Variants in PDK4 observed in about 807,000 individuals in gnomAD.
The protein encoded by PDK4 is pyruvate dehydrogenase kinase 4.
PDK4 carries 43 observed loss-of-function variants against 51.7 expected under a neutral mutation model. The observed-to-expected ratio is 0.83, with a 90% CI of 0.65 to 1.07. The LOEUF is 1.07. Ranked by LOEUF, PDK4 falls within the 50% of genes least tolerant of loss-of-function variation. PDK4 has a pLI of 0.00. For synonymous variants in PDK4, 170 were observed against 176.6 expected (o/e 0.96, Z 0.30); for missense variants, 498 against 503.5 (o/e 0.99, Z 0.10).
intron 3 of PDK4, among the ~76,000 whole-genome samples, chr7:95,593,430 C>T (rs191975204): frequency 5.3e-5 from 8 of 152,142 alleles, no homozygotes; most frequent in African/African-American, 1.7e-4. Context: ...TCCTCCTACA[C>T]ATCTCATTAT....
intron 1 of PDK4, 137 bp from the exon 2 acceptor site, chr7:95,595,301 G>A (rs1318245644): frequency 1.9e-6 from 1 of 540,478 alleles, no homozygotes; most frequent in South Asian, 3.2e-5. Flanking sequence ...ACTGTTAATC[G>A]ATAATTCAGG....
At position 95,592,909 on chromosome 7, in the gene PDK4, T is replaced by G. The variant is rs780081754; in HGVS notation, c.380A>C (p.His127Pro). Residue 127 changes from histidine (H) to proline (P), a missense_variant, in exon 4 of 11, where the codon CAC becomes CCC. His to Pro is a moderately conservative substitution (Grantham distance 77). Coordinates refer to ENST00000005178, the MANE Select transcript of PDK4 (RefSeq NM_002612.4). ...TGCCATTGTAGGGACTACATTATGG[T>G]GTCTATTTCGAACTTTGATGAGTGT... ...VDTLIKVRNR[H>P]HNVVPTMAQG... 1 of 1,602,810 alleles carries G rather than the reference T, an allele frequency of 6.2e-7. No individual in the cohort carries two copies. The highest frequency in any genetic ancestry group is 1.1e-5 in the South Asian group (1 of 89,176).
chr7:95,593,763 G>T lies in PDK4; in HGVS notation c.280C>A (p.Gln94Lys), dbSNP rs1354374215. 3 of 1,496,580 alleles carry T rather than the reference G, an allele frequency of 2.0e-6. No homozygotes were observed. The highest frequency in any genetic ancestry group is 4.6e-5 in the East Asian group (2 of 43,790). 92.7% of individuals were successfully genotyped at this position (1,496,580 alleles called of 1,614,324 possible). A position where few individuals can be genotyped will look rare whatever the true frequency, so the allele number is the denominator to read the frequency against. ...SVQLVKSWYI[Q>K]SLMDLVEFHE... ...AATTCCACCAAATCCATCAGGCTCT[G>T]TATATACCTGTAAAGAAACAGGTAT... The change falls in exon 3 of 11, where the codon CAG (glutamine) becomes AAG (lysine). Residue 94 changes from glutamine (Q) to lysine (K), a missense_variant. By Grantham distance (53) the Gln-to-Lys change is moderately conservative (BLOSUM62 1). Transcript: ENST00000005178.
At chr7:95,595,345 G>A (rs1453697123) in intron 1 of PDK4, among the ~76,000 whole-genome samples, 181 bp from the exon 2 acceptor site, 2 of 152,086 alleles carry the variant, frequency 1.3e-5, no homozygotes, top group East Asian at 1.9e-4. Context: ...AATTCCCTTC[G>A]TCCTTTCGTC....
Position 95,595,161 on chromosome 7 carries a change from G to C in PDK4, c.134C>G (p.Ser45Ter). ...AGAAGTTCTTTCACATGCATTTTCT[G>C]AACCTATAATAAATGAAATCAATTT... ...LSMKQLLDFGSENACERTSFA... is the reference protein window; with the variant it reads ...LSMKQLLDFG Residue 45 changes from serine (S) to a stop codon, truncating the protein, a stop_gained, in exon 2 of 11, where the codon TCA becomes TGA. Coordinates refer to ENST00000005178, the MANE Select transcript of PDK4 (RefSeq NM_002612.4). LOFTEE classifies it high-confidence loss of function. 1 of 1,609,484 alleles carries C rather than the reference G, an allele frequency of 6.2e-7. No homozygotes were observed. The highest frequency in any genetic ancestry group is 1.7e-4 in the Middle Eastern group (1 of 6,056).
intron 6 of PDK4, 50 bp downstream of exon 6, chr7:95,591,935 TAGG>T (rs1195268556): frequency 2.2e-6 from 2 of 904,518 alleles, no homozygotes; most frequent in Non-Finnish European, 1.7e-6. Context: ...GCAATAATAT[TAGG>T]AGAACACAGA....
chr7:95,589,657 G>T lies in PDK4; in HGVS notation c.754C>A (p.Leu252Ile). 6.4e-7 allele frequency: 1 copy of T among 1,562,150 alleles called. No individual in the cohort carries two copies. The highest frequency in any genetic ancestry group is 8.8e-7 in the Non-Finnish European group (1 of 1,133,634). ...VYVPSHLHHM[L>I]FELFKNAMRA... ...TATCATACCTTAAATAGTTCAAAGAGCATATGATGGAGGTGAGAAGGAACA... is the reference window on the plus strand; with the variant it reads ...TATCATACCTTAAATAGTTCAAAGATCATATGATGGAGGTGAGAAGGAACA... Residue 252 changes from leucine (L) to isoleucine (I), a missense_variant, in exon 7 of 11, where the codon CTC becomes ATC. Physicochemically the swap from Leu to Ile is conservative, Grantham distance 5 (BLOSUM62 2). Transcript: ENST00000005178.
At chr7:95,586,650 G>A (rs149949140) in intron 10 of PDK4, 9 of 170,224 alleles carry the variant, frequency 5.3e-5, no homozygotes, top group Admixed American at 5.2e-4. Context: ...AACATTATTA[G>A]CATATATTTC....
chr7:95,586,379 G>A (rs143148675), intron 10 of PDK4, among the ~76,000 whole-genome samples: 2 of 152,084 alleles, frequency 1.3e-5, no homozygotes, highest in Non-Finnish European at 2.9e-5. Flanking sequence ...ATTTTTAGTA[G>A]AGACGGGGTT....
rs757783042 is a variant in PDK4 at position 95,596,223 on chromosome 7, A to C, written c.71T>G (p.Val24Gly). The C allele has an allele frequency of 1.2e-6, 2 of 1,602,278 alleles. No individual in the cohort carries two copies. The highest frequency in any genetic ancestry group is 2.7e-5 in the African/African-American group (2 of 73,638). The change falls in exon 1 of 11, where the codon GTG becomes GGG. Residue 24 changes from valine to glycine, a missense_variant. Transcript: ENST00000005178. ...CGGGCTGTAGCGCGAGAAATGCTCC[A>C]CCTCTCGGGGCACCAGGCCGGCGCC... ...LNGAGLVPRE[V>G]EHFSRYSPSP...
rs1260123987 is a variant in PDK4, at chr7:95,589,842, A to C, written c.695-126T>G. The C allele has an allele frequency of 1.1e-5, 7 of 622,388 alleles. No individual in the cohort carries two copies. The Admixed American group carries it at 1.7e-4, about 15-fold the overall frequency. The allele number at this position is 622,388 out of a possible 1,614,324, so 38.6% of individuals were successfully genotyped here. On this transcript the variant is annotated intron_variant, in intron 6 of 10. Coordinates refer to ENST00000005178, the MANE Select transcript of PDK4 (RefSeq NM_002612.4). ...ATATTCTCTACCTTCCCCATCCCCA[A>C]ATCCTGCCCTAGAAACTTACCACTT...
rs553122450 is a variant in PDK4, at chr7:95,585,143, C to A, written c.*498G>T. Reference sequence around the variant, plus strand: ...ACCTTATTTTAGTCACCAGCATTTCCTTCCATAGCACATAAATATGTTCAA... The same window carrying A: ...ACCTTATTTTAGTCACCAGCATTTCATTCCATAGCACATAAATATGTTCAA... On this transcript the variant is annotated 3_prime_UTR_variant, in exon 11 of 11. Transcript: ENST00000005178. 6.6e-6 allele frequency: 1 copy of A among 152,374 alleles called. No individual in the cohort carries two copies. The highest frequency in any genetic ancestry group is 2.4e-5 in the African/African-American group (1 of 41,572). 9.4% of individuals were successfully genotyped at this position (152,374 alleles called of 1,614,324 possible). A position where few individuals can be genotyped will look rare whatever the true frequency, so the allele number is the denominator to read the frequency against.
chr7:95,586,956 TAAA>T (rs1369510811), intron 10 of PDK4, 51 bp downstream of exon 10: 1 of 1,006,044 alleles, frequency 9.9e-7, no homozygotes, highest in Non-Finnish European at 1.6e-6. Flanking sequence ...CTCAAGGCTA[TAAA>T]AGGAGCAATG....
At chr7:95,589,540 T>A (rs1791526520) in intron 7 of PDK4, 100 bp downstream of exon 7, 2 of 645,698 alleles carry the variant, frequency 3.1e-6, no homozygotes, top group East Asian at 2.6e-5. Context: ...TGGGAAAAGA[T>A]ATTGAGGCTT....
intron 7 of PDK4, among the ~76,000 whole-genome samples, chr7:95,588,407 G>C (rs373284964): frequency 2.0e-5 from 3 of 152,182 alleles, no homozygotes; most frequent in East Asian, 1.9e-4. Context: ...CAATGAAAAA[G>C]TATCCTTTGT....
intron 7 of PDK4, 148 bp downstream of exon 7, chr7:95,589,492 G>T: frequency 2.0e-6 from 1 of 498,088 alleles, no homozygotes. Context: ...AACATTGACT[G>T]TATAGTTTCT....
At position 95,587,440 on chromosome 7, in the gene PDK4, T is replaced by C. The variant is rs746061320; in HGVS notation, c.959A>G (p.Asp320Gly). The C allele has an allele frequency of 1.2e-6, 2 of 1,604,416 alleles. No individual in the cohort carries two copies. Among genetic ancestry groups the C allele is most frequent in the Non-Finnish European group, 1.7e-6 (2 of 1,171,112 alleles). Reference protein sequence around the residue: ...TYSTAPTPVMDNSRNAPLAGF... With the variant: ...TYSTAPTPVMGNSRNAPLAGF... ...TACCAAAGGAGCATTCCGGGAATTA[T>C]CCATCACAGGCGTTGGTGCAGTGGA... The change falls in exon 9 of 11, where the codon GAT becomes GGT. Residue 320 changes from aspartate to glycine, a missense_variant. Coordinates refer to ENST00000005178, the MANE Select transcript of PDK4 (RefSeq NM_002612.4).
intron 1 of PDK4, 130 bp downstream of exon 1, chr7:95,596,034 G>A: frequency 9.8e-7 from 1 of 1,015,958 alleles, no homozygotes. Flanking sequence ...TGGCGTCGAG[G>A]CTCCAGGGCT....
intron 1 of PDK4, 94 bp from the exon 2 acceptor site, chr7:95,595,258 A>G: frequency 1.4e-6 from 1 of 720,520 alleles, no homozygotes; most frequent in Non-Finnish European, 2.2e-6. Flanking sequence ...ACACACATAT[A>G]TTATAAAATT....
Sources: allele counts gnomAD v4.1 joint callset (sites outside exome capture counted in the v4.1 genomes callset), GRCh38; gene constraint gnomAD v4.1.1; transcripts MANE v1.5; gene names NCBI Gene and HGNC (gene_info 2026-07-23, HGNC 2026-07-21).